Variants in STAC observed in about 807,000 individuals in gnomAD.
The protein encoded by STAC is SH3 and cysteine rich domain.
A neutral mutation model predicts 48.8 loss-of-function variants in STAC; 43 were observed. That is an observed-to-expected ratio of 0.88 (90% CI 0.69 to 1.14). The LOEUF is 1.14. Ranked by LOEUF, STAC falls within the 50% of genes most tolerant of loss-of-function variation. The pLI, the probability that STAC is intolerant of heterozygous loss-of-function variation, is 0.00. For missense variants in STAC, 497 were observed against 504.0 expected, an observed-to-expected ratio of 0.99 and a Z score of 0.13; for synonymous variants, 193 against 179.5, an observed-to-expected ratio of 1.07 and a Z score of -0.60.
Position 36,515,975 on chromosome 3 carries a change from CTTTTTTT to C in STAC, c.920+10160_920+10166del, listed in dbSNP as rs1203330014. Among the ~76,000 whole-genome samples the C allele has an allele frequency of 2.9e-3, 180 of 61,474 alleles. No individual in the cohort carries two copies. The Middle Eastern group carries it at 0.058, about 20-fold the overall frequency. 40.3% of individuals were successfully genotyped at this position (61,474 alleles called of 152,430 possible). A position where few individuals can be genotyped will look rare whatever the true frequency, so the allele number is the denominator to read the frequency against. On this transcript the variant is annotated intron_variant, in intron 8 of 10. Transcript: ENST00000273183. ...AGCTTAACAGTTTTTCATTTTTCTC[CTTTTTTT>C]TTTTTTTTTTTTTTTTTTGAGACAG...
chr3:36,437,796 T>C (rs77455357), intron 1 of STAC, among the ~76,000 whole-genome samples: 3,472 of 148,498 alleles, frequency 0.023, 60 homozygotes, highest in East Asian at 0.026. Context: ...AATAAAAAAA[T>C]AAAAATAAAA....
intron 8 of STAC, among the ~76,000 whole-genome samples, chr3:36,516,245 G>C (rs998922413): frequency 1.3e-5 from 2 of 151,958 alleles, no homozygotes; most frequent in Non-Finnish European, 2.9e-5. Flanking sequence ...GCCTCCTAAA[G>C]TGCTGGTATT....
chr3:36,512,877 T>C (rs1419363116), intron 8 of STAC, among the ~76,000 whole-genome samples: 1 of 152,170 alleles, frequency 6.6e-6, no homozygotes, highest in African/African-American at 2.4e-5. Flanking sequence ...TGGGAATGCT[T>C]TGGGATTCAG....
intron 2 of STAC, among the ~76,000 whole-genome samples, chr3:36,462,431 G>A (rs887617040): frequency 6.6e-6 from 1 of 152,050 alleles, no homozygotes; most frequent in Admixed American, 6.6e-5. Context: ...ATATAATTTT[G>A]AAATAATCAT....
chr3:36,512,712 G>T (rs995127515), intron 8 of STAC, among the ~76,000 whole-genome samples: 3 of 151,622 alleles, frequency 2.0e-5, no homozygotes, highest in Non-Finnish European at 4.4e-5. Context: ...AGGCAATCAG[G>T]ACTATCCATT....
chr3:36,514,808 G>A (rs1039580601), intron 8 of STAC, among the ~76,000 whole-genome samples: 1 of 152,144 alleles, frequency 6.6e-6, no homozygotes, highest in Admixed American at 6.5e-5. Context: ...GCCAAGGCAG[G>A]TGTATTGCCT....
At chr3:36,484,134 C>A (rs1697734744) in intron 3 of STAC, among the ~76,000 whole-genome samples, 1 of 152,106 alleles carries the variant, frequency 6.6e-6, no homozygotes, top group Non-Finnish European at 1.5e-5. Flanking sequence ...CTTTGAGGCT[C>A]CTGGGGAAAG....
In STAC at chr3:36,443,046, T is replaced by C. The variant is rs374426356; in HGVS notation, c.112-318T>C. Among the ~76,000 whole-genome samples, 2 of 152,206 alleles carry C rather than the reference T, an allele frequency of 1.3e-5. No individual in the cohort carries two copies. The highest frequency in any genetic ancestry group is 4.1e-4 in the South Asian group (2 of 4,832). On this transcript the variant is annotated intron_variant, in intron 1 of 10. Transcript: ENST00000273183. The surrounding 1 kb of genome is among the most constrained non-coding windows in gnomAD (Gnocchi z 4.2). ...TGATTCAAATTCAAAAGGCAAATTA[T>C]ATCAAAATCCAATGTGGTGGGACAC...
At chr3:36,433,428 C>T (rs1700753663) in intron 1 of STAC, among the ~76,000 whole-genome samples, 1 of 152,216 alleles carries the variant, frequency 6.6e-6, no homozygotes, top group South Asian at 2.1e-4. Context: ...AGCACTTAAA[C>T]AGTTGAATTA....
At chr3:36,523,018 G>A (rs893019660) in intron 8 of STAC, among the ~76,000 whole-genome samples, 1 of 152,168 alleles carries the variant, frequency 6.6e-6, no homozygotes, top group Non-Finnish European at 1.5e-5. Flanking sequence ...CCTGGTGGTG[G>A]AAGAGATGGT....
chr3:36,420,907 A>G (rs956527768), intron 1 of STAC, among the ~76,000 whole-genome samples: 2 of 152,230 alleles, frequency 1.3e-5, no homozygotes, highest in African/African-American at 4.8e-5. Flanking sequence ...TCCAAGCACA[A>G]GTATTTTTGT....
At chr3:36,499,206 A>C (rs920871500) in intron 6 of STAC, among the ~76,000 whole-genome samples, 2 of 152,222 alleles carry the variant, frequency 1.3e-5, no homozygotes, top group Non-Finnish European at 2.9e-5. Flanking sequence ...ACGGAAATGT[A>C]AGAAGAAATA....
chr3:36,500,241 T>C (rs955727879), intron 6 of STAC, among the ~76,000 whole-genome samples: 12 of 152,222 alleles, frequency 7.9e-5, no homozygotes, highest in Non-Finnish European at 1.8e-4. Flanking sequence ...GTGGTACATA[T>C]ACACCATGGA....
intron 1 of STAC, among the ~76,000 whole-genome samples, chr3:36,408,427 T>G (rs1700126404): frequency 6.6e-6 from 1 of 152,206 alleles, no homozygotes; most frequent in African/African-American, 2.4e-5. Context: ...CAAAGCCACT[T>G]ATTCCTCTTT....
chr3:36,419,579 A>T (rs1231817850), intron 1 of STAC, among the ~76,000 whole-genome samples: 1 of 152,166 alleles, frequency 6.6e-6, no homozygotes, highest in Non-Finnish European at 1.5e-5. Flanking sequence ...GGATGACATA[A>T]GGGGGCAGCA....
intron 10 of STAC, among the ~76,000 whole-genome samples, chr3:36,544,354 G>A (rs1191338184): frequency 1.3e-5 from 2 of 152,154 alleles, no homozygotes; most frequent in Middle Eastern, 3.4e-3. Context: ...ATTTTTTGTA[G>A]AGATGGGGTT....
At chr3:36,468,750 A>ATT in intron 2 of STAC, among the ~76,000 whole-genome samples, 1 of 145,522 alleles carries the variant, frequency 6.9e-6, no homozygotes, top group South Asian at 2.1e-4. Flanking sequence ...AAATACATAT[A>ATT]TGTGTGTGTG....
intron 8 of STAC, among the ~76,000 whole-genome samples, chr3:36,510,331 T>G (rs991496517): frequency 2.6e-5 from 4 of 152,150 alleles, no homozygotes; most frequent in Non-Finnish European, 5.9e-5. Context: ...TGTGGAGAAA[T>G]AGGAATGCTT....
At chr3:36,498,204 G>A (rs963553706) in intron 6 of STAC, among the ~76,000 whole-genome samples, 1 of 152,110 alleles carries the variant, frequency 6.6e-6, no homozygotes, top group Non-Finnish European at 1.5e-5. Context: ...AAAGGAAAAA[G>A]AGACTATCAG....
Sources: allele counts gnomAD v4.1 joint callset (sites outside exome capture counted in the v4.1 genomes callset), GRCh38; gene constraint gnomAD v4.1.1; non-coding constraint Gnocchi (gnomAD v3.1); transcripts MANE v1.5; gene names NCBI Gene and HGNC (gene_info 2026-07-23, HGNC 2026-07-21).